The following UBAP1 variants were observed in gnomAD, a reference collection of about 807,000 sequenced individuals.
UBAP1 encodes the protein ubiquitin-associated protein 1.
A neutral mutation model predicts 39.0 loss-of-function variants in UBAP1; 5 were observed. The ratio of observed to expected loss-of-function variants is 0.13; its 90% CI spans 0.07 to 0.27. The LOEUF is 0.27. Among genes scored for constraint, UBAP1 ranks in the 10% least tolerant of loss-of-function variants. The pLI is 1.00. For synonymous variants in UBAP1, 211 were observed against 225.1 expected, an observed-to-expected ratio of 0.94 and a Z score of 0.56; for missense variants, 490 against 608.1, an observed-to-expected ratio of 0.81 and a Z score of 2.04.
At chr9:34,235,634 C>T (rs773484477) in intron 3 of UBAP1, among the ~76,000 whole-genome samples, 9 of 151,986 alleles carry the variant, frequency 5.9e-5, no homozygotes, top group Non-Finnish European at 1.0e-4. Flanking sequence ...CCACTGCGCC[C>T]GGTCAAAAAA....
intron 1 of UBAP1, among the ~76,000 whole-genome samples, chr9:34,184,524 G>A (rs1280565584): frequency 1.1e-4 from 16 of 150,754 alleles, no homozygotes; most frequent in South Asian, 4.2e-4. Flanking sequence ...CCAGCTACTC[G>A]GGAGGCTGAG....
intron 3 of UBAP1, among the ~76,000 whole-genome samples, chr9:34,235,630 C>T (rs148836656): frequency 0.018 from 2,735 of 152,104 alleles, 79 homozygotes; most frequent in African/African-American, 0.061. Context: ...TGAGCCACTG[C>T]GCCCGGTCAA....
intron 2 of UBAP1, chr9:34,224,463 G>A (rs1476155014): frequency 7.7e-6 from 3 of 387,760 alleles, no homozygotes; most frequent in African/African-American, 2.1e-5. Flanking sequence ...CTTAGGGCAC[G>A]GTATTTCTTG....
At chr9:34,184,994 G>T (rs1216716667) in intron 1 of UBAP1, among the ~76,000 whole-genome samples, 3 of 147,450 alleles carry the variant, frequency 2.0e-5, no homozygotes, top group East Asian at 4.0e-4. Flanking sequence ...GAGTGCAATG[G>T]TGTGATCTCG....
chr9:34,224,110 C>A, intron 2 of UBAP1: 1 of 742,706 alleles, frequency 1.3e-6, no homozygotes, highest in Non-Finnish European at 2.1e-6. Context: ...GCTTGCCCTG[C>A]TGGAACTGCT....
intron 1 of UBAP1, among the ~76,000 whole-genome samples, chr9:34,206,847 A>T (rs1190744506): frequency 6.6e-6 from 1 of 152,104 alleles, no homozygotes; most frequent in African/African-American, 2.4e-5. Flanking sequence ...ACTTGATTTT[A>T]AAAAGCAGCT....
At chr9:34,207,358 T>C (rs1012821911) in intron 1 of UBAP1, among the ~76,000 whole-genome samples, 1 of 150,602 alleles carries the variant, frequency 6.6e-6, no homozygotes, top group Non-Finnish European at 1.5e-5. Flanking sequence ...TTAATTGTTA[T>C]TTCTACATGA....
chr9:34,200,196 T>G (rs1362478831), intron 1 of UBAP1, among the ~76,000 whole-genome samples: 4 of 152,206 alleles, frequency 2.6e-5, no homozygotes. Context: ...AGTACCTGTC[T>G]CAGTTATATG....
intron 3 of UBAP1, among the ~76,000 whole-genome samples, chr9:34,240,938 A>G (rs1026587468): frequency 1.6e-4 from 25 of 152,230 alleles, no homozygotes; most frequent in African/African-American, 6.0e-4. Flanking sequence ...GTGCTAGATA[A>G]TAGAGATCCA....
Position 34,198,476 on chromosome 9 carries a change from A to G in UBAP1, c.-8+19236A>G, listed in dbSNP as rs545311895. ...ATACTATTAGGTGAGGCCATAGGCT[A>G]TGCTCAGCTGAGGTCAGACTGGATC... is the stretch of plus-strand genomic sequence containing the variant. On this transcript the variant is annotated intron_variant, in intron 1 of 6. Transcript: ENST00000297661. Among the ~76,000 whole-genome samples, 9 of 152,238 alleles carry G rather than the reference A, an allele frequency of 5.9e-5. No individual in the cohort carries two copies. In the South Asian group the frequency reaches 1.5e-3, roughly 25 times the overall value.
At chr9:34,188,525 C>T (rs1830541363) in intron 1 of UBAP1, among the ~76,000 whole-genome samples, 2 of 151,220 alleles carry the variant, frequency 1.3e-5, no homozygotes, top group Admixed American at 6.6e-5. Context: ...CTTCGGCCTC[C>T]CCAAGTGCTG....
chr9:34,243,386 G>C (rs190243631), intron 4 of UBAP1, among the ~76,000 whole-genome samples: 17 of 152,238 alleles, frequency 1.1e-4, no homozygotes, highest in Non-Finnish European at 2.1e-4. Flanking sequence ...TTTCTGACCT[G>C]TTCATCTCAG....
Position 34,194,475 on chromosome 9 carries a change from C to T in UBAP1, c.-8+15235C>T, listed in dbSNP as rs564815764. ...GACCACAGGCACCTGCCACCATGCC[C>T]GGCTAATTTTTTGTATTTTTAGTAG... On this transcript the variant is annotated intron_variant, in intron 1 of 6. Coordinates refer to ENST00000297661, the MANE Select transcript of UBAP1 (RefSeq NM_016525.5). Among the ~76,000 whole-genome samples the T allele has an allele frequency of 2.4e-3, 361 of 152,052 alleles. 1 individual carries two copies. Among genetic ancestry groups the T allele is most frequent in the African/African-American group, 8.0e-3 (330 of 41,494 alleles).
chr9:34,211,812 A>G (rs1000890836), intron 1 of UBAP1, among the ~76,000 whole-genome samples: 1 of 151,248 alleles, frequency 6.6e-6, no homozygotes, highest in Non-Finnish European at 1.5e-5. Context: ...CTGTTTCCCC[A>G]TCTCTTTTTA....
Position 34,232,992 on chromosome 9 carries a change from C to T in UBAP1, c.35-1224C>T, listed in dbSNP as rs140834667. The stretch of plus-strand genomic sequence containing the variant: ...GAGGCGTTTTCCTTTTATCTGACCC[C>T]GTGAATAGATGGTCATGTTCTGGTC... On this transcript the variant is annotated intron_variant, in intron 2 of 6. Transcript: ENST00000297661. Among the ~76,000 whole-genome samples the T allele has an allele frequency of 2.3e-4, 35 of 152,200 alleles. No individual in the cohort carries two copies. The East Asian group carries it at 2.9e-3, about 13-fold the overall frequency.
At chr9:34,180,647 T>C (rs1374196092) in intron 1 of UBAP1, among the ~76,000 whole-genome samples, 1 of 152,220 alleles carries the variant, frequency 6.6e-6, no homozygotes, top group Non-Finnish European at 1.5e-5. Context: ...ATTCATGGTG[T>C]TTATTAAATA....
chr9:34,195,679 C>T (rs559711567), intron 1 of UBAP1, among the ~76,000 whole-genome samples: 1 of 151,596 alleles, frequency 6.6e-6, no homozygotes, highest in Non-Finnish European at 1.5e-5. Flanking sequence ...CTCACCGCAA[C>T]CTCCGCCTCC....
chr9:34,233,833 T>G (rs1330995531), intron 2 of UBAP1, among the ~76,000 whole-genome samples: 1 of 151,636 alleles, frequency 6.6e-6, no homozygotes, highest in Non-Finnish European at 1.5e-5. Context: ...GACAGAAGAG[T>G]GTTCCAGTTA....
chr9:34,212,449 A>G (rs940477705), intron 1 of UBAP1, among the ~76,000 whole-genome samples: 8 of 145,498 alleles, frequency 5.5e-5, no homozygotes, highest in African/African-American at 2.0e-4. Flanking sequence ...TCTATTTATT[A>G]TATGCTTTTT....
Sources: gnomAD v4.1 joint callset for allele counts (sites outside exome capture counted in the v4.1 genomes callset) on GRCh38, gnomAD v4.1.1 for gene constraint, MANE v1.5 for transcripts, NCBI Gene and HGNC (gene_info 2026-07-23, HGNC 2026-07-21) for gene names.